The following TRPV3 variants were observed in gnomAD, a reference collection of about 807,000 sequenced individuals.
TRPV3 encodes VRL-3.
Under a neutral mutation model 87.1 loss-of-function variants are expected in TRPV3, and 88 were observed. The ratio of observed to expected loss-of-function variants is 1.01; its 90% CI spans 0.85 to 1.21. The LOEUF (loss-of-function observed/expected upper bound fraction) is 1.21, where lower values mean the gene tolerates loss of function less well. Among genes scored for constraint, TRPV3 ranks in the 50% most tolerant of loss-of-function variants. The pLI is 0.00. For missense variants in TRPV3, 1,054 were observed against 1,030.1 expected, an observed-to-expected ratio of 1.02 and a Z score of -0.32; for synonymous variants, 438 against 423.3, an observed-to-expected ratio of 1.03 and a Z score of -0.43.
At chr17:3,555,614 A>C (rs544727236) in intron 1 of TRPV3, among the ~76,000 whole-genome samples, 3 of 151,378 alleles carry the variant, frequency 2.0e-5, no homozygotes, top group African/African-American at 4.8e-5. Flanking sequence ...CTGATGCTCA[A>C]TGTGGGCTGG....
At position 3,548,269 on chromosome 17, in the gene TRPV3, G is replaced by A. The variant is rs2074543683; in HGVS notation, c.120-2998C>T. On this transcript the variant is annotated intron_variant, in intron 2 of 17. Coordinates refer to ENST00000576742, the MANE Select transcript of TRPV3 (RefSeq NM_145068.4). The stretch of plus-strand genomic sequence containing the variant: ...ATTCAGGAGGGAGGGTAGCAGGAAA[G>A]GGACTGTGGCCCCATTCTGCAGACA... Among the ~76,000 whole-genome samples the A allele has an allele frequency of 2.0e-5, 3 of 152,222 alleles. No individual in the cohort carries two copies. The South Asian group carries it at 6.2e-4, about 32-fold the overall frequency.
At chr17:3,550,001 A>C (rs1270853792) in intron 2 of TRPV3, among the ~76,000 whole-genome samples, 1 of 150,808 alleles carries the variant, frequency 6.6e-6, no homozygotes, top group African/African-American at 2.5e-5. Flanking sequence ...GGATGGATGG[A>C]TGGATGAATA....
At chr17:3,515,675 T>C (rs1440689424) in intron 16 of TRPV3, among the ~76,000 whole-genome samples, 3 of 115,326 alleles carry the variant, frequency 2.6e-5, no homozygotes, top group Non-Finnish European at 3.5e-5. Context: ...AAGGTGGTCA[T>C]AGGATATGTA....
intron 2 of TRPV3, among the ~76,000 whole-genome samples, chr17:3,547,027 C>T (rs1437537508): frequency 2.6e-5 from 4 of 151,196 alleles, no homozygotes; most frequent in Non-Finnish European, 5.9e-5. Context: ...TGGCTGAACC[C>T]GGGTCTCTAC....
intron 3 of TRPV3, 135 bp downstream of exon 3, chr17:3,545,032 A>C: frequency 1.7e-6 from 1 of 589,396 alleles, no homozygotes; most frequent in Non-Finnish European, 3.0e-6. Context: ...AAATAATAAT[A>C]ATAAAGTTTT....
At position 3,524,229 on chromosome 17, in the gene TRPV3, G is replaced by A. The variant is rs968897408; in HGVS notation, c.1712C>T (p.Ser571Phe). The A allele has an allele frequency of 3.7e-6, 6 of 1,614,214 alleles. No individual in the cohort carries two copies. Among genetic ancestry groups the A allele is most frequent in the Non-Finnish European group, 5.1e-6 (6 of 1,180,040 alleles). Residue 571 changes from serine (S) to phenylalanine (F), a missense_variant, in exon 13 of 18, where the codon TCC becomes TTC. Transcript: ENST00000576742. ...GATCATGACGCTGTACATGCCCATG[G>A]ACTGGAAACCCCGCGTATAGTAGAG... ...NMLYYTRGFQ[S>F]MGMYSVMIQK...
At chr17:3,524,969 A>G (rs1390377745) in intron 12 of TRPV3, among the ~76,000 whole-genome samples, 2 of 152,208 alleles carry the variant, frequency 1.3e-5, no homozygotes. Context: ...CTTAAAAGCC[A>G]ATCATAGCAA....
rs1010501467 is a variant in TRPV3, at chr17:3,524,214, C to T, written c.1727G>A (p.Ser576Asn). ...TCAACGCACCTTCTGGATCATGACGCTGTACATGCCCATGGACTGGAAACC... is the reference window on the plus strand; with the variant it reads ...TCAACGCACCTTCTGGATCATGACGTTGTACATGCCCATGGACTGGAAACC... ...TRGFQSMGMY[S>N]VMIQKVILHD... Residue 576 changes from serine to asparagine, a missense_variant, in exon 13 of 18, where the codon AGC becomes AAC. Ser to Asn is a conservative substitution (Grantham distance 46). Coordinates refer to ENST00000576742, the MANE Select transcript of TRPV3 (RefSeq NM_145068.4). The T allele has an allele frequency of 5.0e-6, 8 of 1,614,056 alleles. No individual in the cohort carries two copies. Among genetic ancestry groups the T allele is most frequent in the Non-Finnish European group, 6.8e-6 (8 of 1,180,024 alleles).
In TRPV3 at chr17:3,532,850, G is replaced by A. The variant is rs753721658; in HGVS notation, c.872C>T (p.Ser291Leu). The A allele has an allele frequency of 5.6e-6, 9 of 1,614,232 alleles. No homozygotes were observed. Among genetic ancestry groups the A allele is most frequent in the Non-Finnish European group, 7.6e-6 (9 of 1,180,048 alleles). The change falls in exon 8 of 18, where the codon TCG becomes TTG. Residue 291 changes from serine to leucine, a missense_variant. Transcript: ENST00000576742. ...GATGTTGTTGCCTCGTGAGTCCCGC[G>A]AGGTGATGTCCGTCTGCTCGTGCTC... ...LMEHEQTDIT[S>L]RDSRGNNILH...
At chr17:3,519,753 GATGA>G (rs1157337806) in intron 14 of TRPV3, among the ~76,000 whole-genome samples, 60 of 143,690 alleles carry the variant, frequency 4.2e-4, no homozygotes, top group Non-Finnish European at 6.3e-4. Flanking sequence ...TGGATTGATG[GATGA>G]ATGATTAGAT....
rs750391529 is a variant in TRPV3, at chr17:3,528,870, G to A, written c.1368C>T (p.Thr456=). ...CFYFFYNITL[T]LVSYYRPREE... ...CCCGGGGGCGGTAGTACGAGACGAG[G>A]GTCAGGGTGATGTTGTAGAAGAAAT... Residue 456 remains threonine (T), a synonymous_variant, in exon 10 of 18, where the codon ACC becomes ACT. Coordinates refer to ENST00000576742, the MANE Select transcript of TRPV3 (RefSeq NM_145068.4). This position sits in a 1 kb window ranked among gnomAD's most constrained non-coding sequence, Gnocchi z 4.2. 3.1e-6 allele frequency: 5 copies of A among 1,614,090 alleles called. No homozygotes were observed. The highest frequency in any genetic ancestry group is 3.4e-6 in the Non-Finnish European group (4 of 1,180,034).
intron 6 of TRPV3, among the ~76,000 whole-genome samples, 157 bp from the exon 7 acceptor site, chr17:3,535,870 T>G (rs1300779865): frequency 1.3e-5 from 2 of 152,168 alleles, no homozygotes; most frequent in Non-Finnish European, 2.9e-5. Flanking sequence ...GTTCTTTGCT[T>G]CCTTCATGCC....
At chr17:3,538,447 A>G (rs2074428254) in intron 6 of TRPV3, among the ~76,000 whole-genome samples, 1 of 151,990 alleles carries the variant, frequency 6.6e-6, no homozygotes, top group African/African-American at 2.4e-5. Flanking sequence ...CAAAAAAAAA[A>G]AAAAAAGGAT....
At position 3,518,645 on chromosome 17, in the gene TRPV3, C is replaced by G. The variant is rs764673045; in HGVS notation, c.2016G>C (p.Met672Ile). The G allele has an allele frequency of 6.3e-7, 1 of 1,595,040 alleles. No homozygotes were observed. Among genetic ancestry groups the G allele is most frequent in the Non-Finnish European group, 8.5e-7 (1 of 1,170,432 alleles). Residue 672 changes from methionine to isoleucine, a missense_variant, in exon 15 of 18, where the codon ATG becomes ATC. Coordinates refer to ENST00000576742, the MANE Select transcript of TRPV3 (RefSeq NM_145068.4). This position sits in a 1 kb window ranked among gnomAD's most constrained non-coding sequence, Gnocchi z 4.3. ...VILTFVLLLN[M>I]LIALMGETVE... ...CAGTCTCGCCCATCAGAGCAATGAG[C>G]ATGTTGAGGAGGAGAACAAAGGTGA... is the stretch of plus-strand genomic sequence containing the variant.
intron 13 of TRPV3, among the ~76,000 whole-genome samples, chr17:3,523,137 A>C (rs1011917978): frequency 2.0e-5 from 3 of 152,176 alleles, no homozygotes; most frequent in Non-Finnish European, 4.4e-5. Flanking sequence ...AGTGATGGAG[A>C]AACTATTAAT....
intron 16 of TRPV3, among the ~76,000 whole-genome samples, chr17:3,515,394 C>G (rs147878104): frequency 6.6e-6 from 1 of 152,162 alleles, no homozygotes; most frequent in African/African-American, 2.4e-5. Context: ...GGCACCGTGG[C>G]TCACGCCTGT....
Position 3,516,510 on chromosome 17 carries a change from G to A in TRPV3, c.2145C>T (p.Phe715=). ...KMLPEWLRSR[F]RMGELCKVAE... is the part of the protein sequence containing the mutation. The stretch of plus-strand genomic sequence containing the variant: ...CCACTTTGCACAGCTCTCCCATCCG[G>A]AATCTGCTCCTCAGCCATTCTGGTA... Residue 715 remains phenylalanine, a synonymous_variant, in exon 16 of 18, where the codon TTC becomes TTT. Transcript: ENST00000576742. 1 of 1,614,032 alleles carries A rather than the reference G, an allele frequency of 6.2e-7. No homozygotes were observed. Among genetic ancestry groups the A allele is most frequent in the Non-Finnish European group, 8.5e-7 (1 of 1,180,004 alleles).
rs556914673 is a variant in TRPV3, at chr17:3,557,363, G to T, written c.-3+313C>A. ...CACCTCCCTGGGTCAGCCTCGGGAG[G>T]CAGGAGCCTCTCCTCTGCCCCCAGC... On this transcript the variant is annotated intron_variant, in intron 1 of 17. Transcript: ENST00000576742. This position sits in a 1 kb window ranked among gnomAD's most constrained non-coding sequence, Gnocchi z 4.5. Among the ~76,000 whole-genome samples, 1 of 152,284 alleles carries T rather than the reference G, an allele frequency of 6.6e-6. No homozygotes were observed. Among genetic ancestry groups the T allele is most frequent in the Admixed American group, 6.5e-5 (1 of 15,296 alleles).
intron 6 of TRPV3, among the ~76,000 whole-genome samples, chr17:3,542,021 A>G (rs534186430): frequency 6.6e-6 from 1 of 152,260 alleles, no homozygotes; most frequent in Non-Finnish European, 1.5e-5. Flanking sequence ...TGCAATGGCG[A>G]TCTCGGCTCA....
Sources: gnomAD v4.1 joint callset for allele counts (sites outside exome capture counted in the v4.1 genomes callset) on GRCh38, gnomAD v4.1.1 for gene constraint, Gnocchi (gnomAD v3.1) non-coding constraint, MANE v1.5 for transcripts, NCBI Gene and HGNC (gene_info 2026-07-23, HGNC 2026-07-21) for gene names.